Variants in CALB2 observed in about 807,000 individuals in gnomAD.
CALB2 encodes the protein calbindin 2.
Under a neutral mutation model 45.9 loss-of-function variants are expected in CALB2, and 34 were observed. That is an observed-to-expected ratio of 0.74 (90% confidence interval 0.56 to 0.99). The LOEUF (loss-of-function observed/expected upper bound fraction) is 0.99. Among genes scored for constraint, CALB2 ranks in the 50% least tolerant of loss-of-function variants. The pLI, the probability that CALB2 is intolerant of heterozygous loss-of-function variation, is 0.00. For missense variants in CALB2, 344 were observed against 339.3 expected (o/e 1.01, Z -0.11); for synonymous variants, 142 against 129.6 (o/e 1.10, Z -0.65).
intron 4 of CALB2, among the ~76,000 whole-genome samples, chr16:71,380,950 T>C: frequency 6.6e-6 from 1 of 152,200 alleles, no homozygotes; most frequent in East Asian, 1.9e-4. Flanking sequence ...CTGATGATGA[T>C]GAGCACAAGT....
At chr16:71,386,629 A>G (rs1280418803) in intron 10 of CALB2, among the ~76,000 whole-genome samples, 2 of 152,214 alleles carry the variant, frequency 1.3e-5, no homozygotes, top group Admixed American at 6.5e-5. Context: ...AAACCTTTGC[A>G]GCTGTCTTCG....
chr16:71,372,371 G>T, intron 2 of CALB2, 142 bp downstream of exon 2: 1 of 609,994 alleles, frequency 1.6e-6, no homozygotes, highest in Non-Finnish European at 2.9e-6. Context: ...ATAAAAAATA[G>T]ACTGTCCCCT....
chr16:71,375,020 G>A (rs1435911490), intron 3 of CALB2, among the ~76,000 whole-genome samples, 186 bp downstream of exon 3: 1 of 152,190 alleles, frequency 6.6e-6, no homozygotes, highest in Non-Finnish European at 1.5e-5. Flanking sequence ...CAAGGAAGAA[G>A]GAAGTGACAA....
chr16:71,361,344 T>A (rs1406777583), intron 1 of CALB2, among the ~76,000 whole-genome samples: 1 of 152,140 alleles, frequency 6.6e-6, no homozygotes, highest in Non-Finnish European at 1.5e-5. Context: ...GAATTAGGCT[T>A]TGGGCGACCT....
At chr16:71,389,680 G>A (rs2042613516) in intron 10 of CALB2, 69 bp from the exon 11 acceptor site, 1 of 1,046,632 alleles carries the variant, frequency 9.6e-7, no homozygotes, top group East Asian at 2.4e-5. Context: ...GTTTGTGAAT[G>A]TGGACGTGGG....
chr16:71,375,794 T>G (rs2042404578), intron 3 of CALB2, among the ~76,000 whole-genome samples: 2 of 152,178 alleles, frequency 1.3e-5, no homozygotes, highest in Non-Finnish European at 2.9e-5. Context: ...GAGTGTGGAC[T>G]GTGCCACAGA....
intron 4 of CALB2, among the ~76,000 whole-genome samples, chr16:71,379,192 G>A (rs547225990): frequency 2.6e-4 from 40 of 152,068 alleles, no homozygotes; most frequent in African/African-American, 8.9e-4. Context: ...CAGGAGAATC[G>A]CTTGAACCAG....
intron 3 of CALB2, among the ~76,000 whole-genome samples, chr16:71,375,256 T>C (rs1567538936): frequency 2.0e-5 from 3 of 152,256 alleles, no homozygotes; most frequent in Non-Finnish European, 2.9e-5. Flanking sequence ...TACATATATA[T>C]ACATAATTTG....
chr16:71,379,646 C>T (rs1319485197), intron 4 of CALB2, among the ~76,000 whole-genome samples: 1 of 152,180 alleles, frequency 6.6e-6, no homozygotes, highest in Non-Finnish European at 1.5e-5. Flanking sequence ...AATAACTGGC[C>T]TTCGACGTGA....
intron 10 of CALB2, among the ~76,000 whole-genome samples, chr16:71,386,669 G>A (rs1176900157): frequency 3.3e-5 from 5 of 152,188 alleles, no homozygotes; most frequent in African/African-American, 7.2e-5. Context: ...CTTTCTCTGA[G>A]CAACTGGTTT....
At chr16:71,360,028 G>A (rs990258615) in intron 1 of CALB2, among the ~76,000 whole-genome samples, 1 of 152,248 alleles carries the variant, frequency 6.6e-6, no homozygotes, top group Non-Finnish European at 1.5e-5. Flanking sequence ...GCCAGGCTCA[G>A]CCTTGTGGGC....
At chr16:71,379,526 T>A (rs989512862) in intron 4 of CALB2, among the ~76,000 whole-genome samples, 7 of 152,196 alleles carry the variant, frequency 4.6e-5, no homozygotes, top group African/African-American at 7.2e-5. Flanking sequence ...AAACTACCAA[T>A]TATTTCTTGC....
chr16:71,369,797 C>T (rs983052053), intron 1 of CALB2, among the ~76,000 whole-genome samples: 3 of 152,088 alleles, frequency 2.0e-5, no homozygotes, highest in African/African-American at 7.2e-5. Flanking sequence ...TGTGACTTTG[C>T]CTTCTCAGTT....
chr16:71,383,506 G>C, intron 6 of CALB2, 62 bp downstream of exon 6: 1 of 1,460,522 alleles, frequency 6.8e-7, no homozygotes, highest in Non-Finnish European at 9.5e-7. Context: ...AGCCACTTGG[G>C]CTCTGGTGTG....
At position 71,383,490 on chromosome 16, in the gene CALB2, GC is replaced by G. The variant is rs138940173; in HGVS notation, c.477+50del. 1.3e-3 allele frequency: 1,993 copies of G among 1,561,004 alleles called. 23 individuals carry two copies. The African/African-American group carries it at 0.024, about 19-fold the overall frequency. On this transcript the variant is annotated intron_variant, in intron 6 of 10. Transcript: ENST00000302628. ...CTCTCCCCCAGGGTGCAGGACTTGTGCCCCAAGCCACTTGGGCTCTGGTGTG... is the reference window on the plus strand; with the variant it reads ...CTCTCCCCCAGGGTGCAGGACTTGTGCCCAAGCCACTTGGGCTCTGGTGTG...
chr16:71,383,383 T>C lies in CALB2; in HGVS notation c.416T>C (p.Leu139Pro). The change falls in exon 6 of 11, where the codon CTG becomes CCG. Residue 139 changes from leucine to proline, a missense_variant. Coordinates refer to ENST00000302628, the MANE Select transcript of CALB2 (RefSeq NM_001740.5). The part of the protein sequence containing the change: ...ANELKGFLSD[L>P]LKKANRPYDE... ...GTGTTGCAGGGATTCCTGTCAGACC[T>C]GCTGAAGAAGGCGAACCGGCCGTAC... The C allele has an allele frequency of 1.2e-6, 2 of 1,614,144 alleles. No homozygotes were observed. Among genetic ancestry groups the C allele is most frequent in the African/African-American group, 1.3e-5 (1 of 75,038 alleles).
chr16:71,377,539 G>A, intron 3 of CALB2, 128 bp from the exon 4 acceptor site: 1 of 656,982 alleles, frequency 1.5e-6, no homozygotes, highest in South Asian at 1.8e-5. Flanking sequence ...TCTCAAGGAA[G>A]GAAGGAAGAA....
At chr16:71,380,646 G>A (rs1276978783) in intron 4 of CALB2, among the ~76,000 whole-genome samples, 1 of 151,938 alleles carries the variant, frequency 6.6e-6, no homozygotes, top group Non-Finnish European at 1.5e-5. Flanking sequence ...GTCCTTCTAA[G>A]TCCCAGCATA....
intron 8 of CALB2, 114 bp downstream of exon 8, chr16:71,384,492 CACACACACAAA>C (rs998545374): frequency 2.3e-6 from 2 of 865,942 alleles, no homozygotes; most frequent in Non-Finnish European, 3.9e-6. Flanking sequence ...ACACACACCA[CACACACACAAA>C]ACACACCACA....
Sources: allele counts gnomAD v4.1 joint callset (sites outside exome capture counted in the v4.1 genomes callset), GRCh38; gene constraint gnomAD v4.1.1; transcripts MANE v1.5; gene names NCBI Gene and HGNC (gene_info 2026-07-23, HGNC 2026-07-21).